The following KPNA4 variants were observed in gnomAD, a reference collection of about 807,000 sequenced individuals.
KPNA4 encodes karyopherin subunit alpha 4.
In KPNA4, 13 loss-of-function variants were observed where a neutral mutation model predicts 71.3. The observed-to-expected ratio is 0.18, with a 90% CI of 0.12 to 0.29. KPNA4 has a LOEUF of 0.29. Ranked by LOEUF, KPNA4 falls within the 10% of genes least tolerant of loss-of-function variation. The pLI is 1.00. For missense variants in KPNA4, 334 were observed against 603.2 expected (o/e 0.55, Z 4.67); for synonymous variants, 189 against 195.2 (o/e 0.97, Z 0.26).
In KPNA4 at chr3:160,495,916, C is replaced by A. The variant is rs1418849825; in HGVS notation, c.*6188G>T. 7.5e-6 allele frequency: 1 copy of A among 133,236 alleles called. No individual in the cohort carries two copies. 8.3% of individuals were successfully genotyped at this position (133,236 alleles called of 1,614,324 possible). A position where few individuals can be genotyped will look rare whatever the true frequency, so the allele number is the denominator to read the frequency against. ...ACAATTATGAATCAAAAGATGGAGT[C>A]TTTTTTTTTTTTTTTTTAAGGTAAA... On this transcript the variant is annotated 3_prime_UTR_variant, in exon 17 of 17. Coordinates refer to ENST00000334256, the MANE Select transcript of KPNA4 (RefSeq NM_002268.5).
chr3:160,514,986 G>A (rs1459255734), intron 12 of KPNA4: 2 of 518,934 alleles, frequency 3.9e-6, no homozygotes, highest in Non-Finnish European at 7.7e-6. Context: ...GCTGTTCTTG[G>A]GTTATAATCA....
rs986035914 is a variant in KPNA4 at position 160,520,419 on chromosome 3, T to A, written c.903+1360A>T. ...GGCACATGCCACCATGCCTGGCTAATTTTTTTTTTTTTTTTTGTATTTTAG... is the reference window on the plus strand; with the variant it reads ...GGCACATGCCACCATGCCTGGCTAAATTTTTTTTTTTTTTTTGTATTTTAG... On this transcript the variant is annotated intron_variant, in intron 11 of 16. Coordinates refer to ENST00000334256, the MANE Select transcript of KPNA4 (RefSeq NM_002268.5). Among the ~76,000 whole-genome samples the A allele has an allele frequency of 9.5e-5, 13 of 137,130 alleles. No homozygotes were observed. In the East Asian group the frequency reaches 2.3e-3, roughly 24 times the overall value. The allele number at this position is 137,130 out of a possible 152,430, so 90.0% of individuals were successfully genotyped here.
chr3:160,525,881 A>C, intron 9 of KPNA4, 37 bp from the exon 10 acceptor site: 1 of 1,522,052 alleles, frequency 6.6e-7, no homozygotes, highest in Non-Finnish European at 8.8e-7. Context: ...AAACATACAC[A>C]AATAAAAAAT....
At chr3:160,522,883 GAAA>G (rs11400875) in intron 10 of KPNA4, among the ~76,000 whole-genome samples, 1 of 137,358 alleles carries the variant, frequency 7.3e-6, no homozygotes, top group Non-Finnish European at 1.6e-5. Context: ...TGCTACTTAT[GAAA>G]AAAAAAAAAA....
At chr3:160,503,661 C>T (rs1005630189) in intron 16 of KPNA4, among the ~76,000 whole-genome samples, 6 of 152,164 alleles carry the variant, frequency 3.9e-5, no homozygotes, top group African/African-American at 1.2e-4. Context: ...TTTTCACAAT[C>T]TAAGTCAAGA....
At position 160,499,668 on chromosome 3, in the gene KPNA4, T is replaced by G. The variant is rs1271955718; in HGVS notation, c.*2436A>C. 1 of 152,150 alleles carries G rather than the reference T, an allele frequency of 6.6e-6. No homozygotes were observed. The highest frequency in any genetic ancestry group is 1.5e-5 in the Non-Finnish European group (1 of 68,018). The allele number at this position is 152,150 out of a possible 1,614,324, so 9.4% of individuals were successfully genotyped here. ...GTCCTTATACCCAGAGATATTAATATCACCCTTACCTATTTTCCATATCAC... is the reference window on the plus strand; with the variant it reads ...GTCCTTATACCCAGAGATATTAATAGCACCCTTACCTATTTTCCATATCAC... On this transcript the variant is annotated 3_prime_UTR_variant, in exon 17 of 17. Coordinates refer to ENST00000334256, the MANE Select transcript of KPNA4 (RefSeq NM_002268.5).
intron 10 of KPNA4, among the ~76,000 whole-genome samples, chr3:160,523,834 G>C (rs773568785): frequency 4.0e-5 from 6 of 151,854 alleles, no homozygotes; most frequent in Non-Finnish European, 7.4e-5. Flanking sequence ...CTGGGAAACA[G>C]TGCGAGACTC....
At position 160,500,789 on chromosome 3, in the gene KPNA4, T is replaced by G. The variant is rs1720862325; in HGVS notation, c.*1315A>C. On this transcript the variant is annotated 3_prime_UTR_variant, in exon 17 of 17. Transcript: ENST00000334256. ...CTTGATTTGTACATCTACTCAAACC[T>G]CTTCATCGGTCTTTATTCAGCAGTA... The G allele has an allele frequency of 1.3e-5, 2 of 152,580 alleles. No individual in the cohort carries two copies. Among genetic ancestry groups the G allele is most frequent in the Non-Finnish European group, 2.9e-5 (2 of 68,010 alleles). 9.5% of individuals were successfully genotyped at this position (152,580 alleles called of 1,614,324 possible). A position where few individuals can be genotyped will look rare whatever the true frequency, so the allele number is the denominator to read the frequency against.
intron 13 of KPNA4, among the ~76,000 whole-genome samples, chr3:160,513,068 C>T (rs1194685771): frequency 6.6e-6 from 1 of 152,092 alleles, no homozygotes; most frequent in East Asian, 1.9e-4. Flanking sequence ...AATATCACTA[C>T]ATGTAAGACA....
intron 1 of KPNA4, among the ~76,000 whole-genome samples, chr3:160,547,743 C>A (rs1270466773): frequency 6.6e-6 from 1 of 152,178 alleles, no homozygotes; most frequent in Non-Finnish European, 1.5e-5. Context: ...CAACCCCTGG[C>A]AACTACTGAT....
rs1190234980 is a variant in KPNA4, at chr3:160,498,264, C to T, written c.*3840G>A. On this transcript the variant is annotated 3_prime_UTR_variant, in exon 17 of 17. Transcript: ENST00000334256. ...GCTGGTCCAGTTTTCATTAGGTTCT[C>T]AGAGGCAACCTTGATCCCCAAATAA... 6.6e-6 allele frequency: 1 copy of T among 152,198 alleles called. No homozygotes were observed. Among genetic ancestry groups the T allele is most frequent in the Non-Finnish European group, 1.5e-5 (1 of 68,046 alleles). The allele number at this position is 152,198 out of a possible 1,614,324, so 9.4% of individuals were successfully genotyped here.
chr3:160,505,129 A>G, intron 15 of KPNA4, 77 bp from the exon 16 acceptor site: 1 of 713,074 alleles, frequency 1.4e-6, no homozygotes, highest in Non-Finnish European at 2.1e-6. Context: ...TTTGGAACAC[A>G]TAATCCAATT....
chr3:160,503,712 T>C (rs1171441492), intron 16 of KPNA4, among the ~76,000 whole-genome samples: 1 of 152,230 alleles, frequency 6.6e-6, no homozygotes, highest in Non-Finnish European at 1.5e-5. Flanking sequence ...TATGAGGCTA[T>C]TACAATTAGT....
At chr3:160,554,289 C>T (rs1722093978) in intron 1 of KPNA4, among the ~76,000 whole-genome samples, 2 of 152,300 alleles carry the variant, frequency 1.3e-5, no homozygotes, top group African/African-American at 4.8e-5. Flanking sequence ...CAAAGTTGTG[C>T]ATTGAACACC....
At position 160,565,436 on chromosome 3, in the gene KPNA4, GC is replaced by G. The variant is rs1351356341; in HGVS notation, c.-155del. 3 of 624,406 alleles carry G rather than the reference GC, an allele frequency of 4.8e-6. No individual in the cohort carries two copies. Among genetic ancestry groups the G allele is most frequent in the Non-Finnish European group, 8.4e-6 (3 of 359,022 alleles). 38.7% of individuals were successfully genotyped at this position (624,406 alleles called of 1,614,324 possible). On this transcript the variant is annotated 5_prime_UTR_variant, in exon 1 of 17. Coordinates refer to ENST00000334256, the MANE Select transcript of KPNA4 (RefSeq NM_002268.5). ...CCTCCTCTCACCTGCCTCCGCCGCGGCCTTCTCCTCTCCCCGCCCGCCCCCC... is the reference window on the plus strand; with the variant it reads ...CCTCCTCTCACCTGCCTCCGCCGCGGCTTCTCCTCTCCCCGCCCGCCCCCC...
chr3:160,565,104 C>A, intron 1 of KPNA4, 110 bp downstream of exon 1: 1 of 882,914 alleles, frequency 1.1e-6, no homozygotes, highest in Non-Finnish European at 1.8e-6. Context: ...TAGCGCCATT[C>A]CCCGAGGCCT....
chr3:160,530,776 A>G, intron 7 of KPNA4, 79 bp downstream of exon 7: 1 of 915,444 alleles, frequency 1.1e-6, no homozygotes, highest in Non-Finnish European at 1.7e-6. Context: ...AAATTGCCAT[A>G]GTCTTTTGGG....
chr3:160,561,980 T>C (rs1028202937), intron 1 of KPNA4, among the ~76,000 whole-genome samples: 12 of 152,100 alleles, frequency 7.9e-5, no homozygotes, highest in Non-Finnish European at 1.5e-4. Flanking sequence ...GAAAGAACCA[T>C]AAGACTAAGC....
At chr3:160,548,530 T>C (rs968554279) in intron 1 of KPNA4, among the ~76,000 whole-genome samples, 2 of 152,146 alleles carry the variant, frequency 1.3e-5, no homozygotes, top group African/African-American at 4.8e-5. Context: ...TCTAGGTACC[T>C]TGTATAAGTG....
Sources: allele counts gnomAD v4.1 joint callset (sites outside exome capture counted in the v4.1 genomes callset), GRCh38; gene constraint gnomAD v4.1.1; transcripts MANE v1.5; gene names NCBI Gene and HGNC (gene_info 2026-07-23, HGNC 2026-07-21).